Variants in DLGAP2 observed in about 807,000 individuals in gnomAD.
DLGAP2 encodes the protein DLG associated protein 2.
In DLGAP2, 26 loss-of-function variants were observed where a neutral mutation model predicts 100.3. The ratio of observed to expected loss-of-function variants is 0.26; its 90% CI spans 0.19 to 0.36. The LOEUF is 0.36. DLGAP2 is among the 10% of genes least tolerant of loss of function. The pLI is 1.00. For missense variants in DLGAP2, 1,858 were observed against 1,453.2 expected, an observed-to-expected ratio of 1.28 and a Z score of -4.53; for synonymous variants, 886 against 630.1, an observed-to-expected ratio of 1.41 and a Z score of -6.08.
chr8:910,078 G>C (rs1014479722), intron 2 of DLGAP2, among the ~76,000 whole-genome samples: 2 of 152,154 alleles, frequency 1.3e-5, no homozygotes, highest in Admixed American at 1.3e-4. Context: ...AAGACGAAAC[G>C]AGTTCTGCAG....
intron 3 of DLGAP2, among the ~76,000 whole-genome samples, chr8:1,311,888 C>G (rs1231356980): frequency 6.6e-6 from 1 of 152,090 alleles, no homozygotes; most frequent in Non-Finnish European, 1.5e-5. Context: ...AACAGTGTGT[C>G]AAAATACATA....
intron 3 of DLGAP2, among the ~76,000 whole-genome samples, chr8:1,313,060 C>A (rs78810107): frequency 0.016 from 2,450 of 152,346 alleles, 64 homozygotes; most frequent in African/African-American, 0.056. Flanking sequence ...CGGCCACTGT[C>A]TGTGCTGACT....
intron 2 of DLGAP2, among the ~76,000 whole-genome samples, chr8:1,159,146 A>G (rs1205499372): frequency 6.6e-6 from 1 of 152,224 alleles, no homozygotes; most frequent in African/African-American, 2.4e-5. Context: ...TGATCCTTGG[A>G]AAGATGTCTG....
intron 9 of DLGAP2, 116 bp downstream of exon 9, chr8:1,668,794 C>A: frequency 1.0e-6 from 1 of 986,956 alleles, no homozygotes; most frequent in Non-Finnish European, 1.4e-6. Context: ...GTAACCCCAG[C>A]AGGGCTGTGG....
At chr8:861,954 T>C (rs1222870116) in intron 1 of DLGAP2, among the ~76,000 whole-genome samples, 4 of 152,232 alleles carry the variant, frequency 2.6e-5, no homozygotes, top group Non-Finnish European at 4.4e-5. Context: ...GGAAATTATT[T>C]TAAAAGGCAC....
chr8:1,346,153 C>G lies in DLGAP2; in HGVS notation c.106+87270C>G, dbSNP rs559049959. Among the ~76,000 whole-genome samples the G allele has an allele frequency of 1.1e-4, 16 of 152,324 alleles. 1 individual carries two copies. In the South Asian group the frequency reaches 2.9e-3, roughly 28 times the overall value. ...AAAGCCCATACACGTCTGCACTGCT[C>G]TGATGGTAACTGTGTGGAGTTTGAG... On this transcript the variant is annotated intron_variant, in intron 3 of 14. Transcript: ENST00000637795.
intron 3 of DLGAP2, among the ~76,000 whole-genome samples, chr8:1,327,062 C>A (rs749860422): frequency 2.0e-5 from 3 of 152,250 alleles, no homozygotes; most frequent in Non-Finnish European, 2.9e-5. Flanking sequence ...CCCGGGCAGG[C>A]CCCTGGAGGC....
At chr8:936,150 C>T (rs905577324) in intron 2 of DLGAP2, among the ~76,000 whole-genome samples, 3 of 152,142 alleles carry the variant, frequency 2.0e-5, no homozygotes, top group East Asian at 3.9e-4. Context: ...GAGTCACAGT[C>T]GGTTTATGAA....
At chr8:1,520,464 G>C (rs1311678149) in intron 4 of DLGAP2, among the ~76,000 whole-genome samples, 2 of 152,180 alleles carry the variant, frequency 1.3e-5, no homozygotes, top group African/African-American at 4.8e-5. Context: ...CTTCACGTCA[G>C]GGGTCACGCT....
At chr8:901,971 G>T (rs887569864) in intron 1 of DLGAP2, among the ~76,000 whole-genome samples, 1 of 152,158 alleles carries the variant, frequency 6.6e-6, no homozygotes, top group Non-Finnish European at 1.5e-5. Flanking sequence ...CGTGGGAGCC[G>T]TGCAACCCCC....
intron 2 of DLGAP2, among the ~76,000 whole-genome samples, chr8:1,174,544 C>G (rs894285977): frequency 7.1e-6 from 1 of 139,870 alleles, no homozygotes; most frequent in Admixed American, 6.9e-5. Flanking sequence ...TCATCATTAC[C>G]ATCACCAAAG....
At position 1,678,585 on chromosome 8, in the gene DLGAP2, A is replaced by G; in HGVS notation, c.2660A>G (p.Lys887Arg). 3 of 1,579,758 alleles carry G rather than the reference A, an allele frequency of 1.9e-6. No homozygotes were observed. The highest frequency in any genetic ancestry group is 2.6e-6 in the Non-Finnish European group (3 of 1,163,180). The change falls in exon 12 of 15, where the codon AAA becomes AGA. Residue 887 changes from lysine (K) to arginine (R), a missense_variant. Coordinates refer to ENST00000637795, the MANE Select transcript of DLGAP2 (RefSeq NM_001346810.2). The stretch of plus-strand genomic sequence containing the variant: ...ACAAAGAGGATGGAAGGCTGGTGCA[A>G]AGAGATGGAGAGAGAGGCGGAGGAG... The part of the protein sequence containing the change: ...AETKRMEGWC[K>R]EMEREAEEND...
intron 8 of DLGAP2, among the ~76,000 whole-genome samples, chr8:1,644,627 A>G (rs1797996056): frequency 6.6e-6 from 1 of 152,262 alleles, no homozygotes; most frequent in Non-Finnish European, 1.5e-5. Flanking sequence ...AGCTCCAGCC[A>G]CATAGCACAT....
At chr8:1,221,242 T>A (rs191628768) in intron 2 of DLGAP2, among the ~76,000 whole-genome samples, 43 of 152,350 alleles carry the variant, frequency 2.8e-4, no homozygotes, top group Admixed American at 1.2e-3. Context: ...TAAGGGTCTT[T>A]CATGTCCATG....
At chr8:1,542,997 G>A (rs553403268) in intron 4 of DLGAP2, among the ~76,000 whole-genome samples, 11 of 152,212 alleles carry the variant, frequency 7.2e-5, no homozygotes, top group East Asian at 3.9e-4. Context: ...CTCTTTCGCC[G>A]TTAGGACATC....
intron 1 of DLGAP2, among the ~76,000 whole-genome samples, chr8:772,968 G>T (rs1821404968): frequency 6.6e-6 from 1 of 152,216 alleles, no homozygotes; most frequent in Admixed American, 6.5e-5. Context: ...CACACTCCAT[G>T]CAGGACCTTC....
intron 2 of DLGAP2, among the ~76,000 whole-genome samples, chr8:1,081,845 C>T (rs906841599): frequency 2.0e-5 from 3 of 152,150 alleles, no homozygotes; most frequent in African/African-American, 4.8e-5. Flanking sequence ...AAAAGAATGT[C>T]AAGCAGGCAT....
intron 6 of DLGAP2, among the ~76,000 whole-genome samples, chr8:1,602,230 A>C (rs148813657): frequency 1.6e-3 from 238 of 152,348 alleles, no homozygotes; most frequent in African/African-American, 5.4e-3. Context: ...AAGTGTTTCT[A>C]GTAAACAGTG....
chr8:1,444,768 ATTCTTTTTTT>A (rs1193955308), intron 3 of DLGAP2, among the ~76,000 whole-genome samples: 1 of 123,544 alleles, frequency 8.1e-6, no homozygotes, highest in Non-Finnish European at 1.6e-5. Flanking sequence ...GAGCCAGGTC[ATTCTTTTTTT>A]TTTTTTTTTT....
Sources: gnomAD v4.1 joint callset for allele counts (sites outside exome capture counted in the v4.1 genomes callset) on GRCh38, gnomAD v4.1.1 for gene constraint, MANE v1.5 for transcripts, NCBI Gene and HGNC (gene_info 2026-07-23, HGNC 2026-07-21) for gene names.